STK32C: variants seen among roughly 807,000 people sequenced by gnomAD.
The protein encoded by STK32C is serine/threonine kinase 32C.
A neutral mutation model predicts 56.5 loss-of-function variants in STK32C; 31 were observed. The ratio of observed to expected loss-of-function variants is 0.55; its 90% CI spans 0.41 to 0.74. The LOEUF is 0.74. Ranked by LOEUF, STK32C falls within the 30% of genes least tolerant of loss-of-function variation. The pLI, the probability that STK32C is intolerant of heterozygous loss-of-function variation, is 0.00. For synonymous variants in STK32C, 309 were observed against 289.4 expected (o/e 1.07, Z -0.69); for missense variants, 544 against 676.9 (o/e 0.80, Z 2.18).
intron 2 of STK32C, among the ~76,000 whole-genome samples, chr10:132,242,555 G>A (rs1052232925): frequency 1.3e-5 from 2 of 151,954 alleles, no homozygotes; most frequent in South Asian, 2.1e-4. Context: ...GAGGGGCCAG[G>A]ATCCACCCCC....
At chr10:132,320,019 T>A (rs1476025492), downstream of STK32C, among the ~76,000 whole-genome samples, 1 of 150,978 alleles carries the variant, frequency 6.6e-6, no homozygotes, top group Non-Finnish European at 1.5e-5. Context: ...TAGAAACAGC[T>A]GTTTCCAGAA....
intron 10 of STK32C, among the ~76,000 whole-genome samples, chr10:132,216,602 G>A (rs961506023): frequency 1.2e-4 from 19 of 152,274 alleles, no homozygotes; most frequent in Admixed American, 2.6e-4. Flanking sequence ...AGACCTTTGC[G>A]GCAGCCCCTA....
intron 1 of STK32C, among the ~76,000 whole-genome samples, chr10:132,326,737 G>A (rs1452823366): frequency 1.6e-4 from 25 of 151,916 alleles, no homozygotes; most frequent in African/African-American, 4.8e-4. Flanking sequence ...TAGGAAGCGC[G>A]CCCAGTCCTC....
At chr10:132,303,117 C>G (rs1447325128) in intron 1 of STK32C, among the ~76,000 whole-genome samples, 1 of 152,258 alleles carries the variant, frequency 6.6e-6, no homozygotes, top group African/African-American at 2.4e-5. Flanking sequence ...AGGCCGGGAG[C>G]AGCAAGGGCG....
chr10:132,267,431 ATG>A (rs35987231), intron 1 of STK32C, among the ~76,000 whole-genome samples: 15 of 152,108 alleles, frequency 9.9e-5, no homozygotes, highest in East Asian at 9.6e-4. Flanking sequence ...AGTTCTGTGC[ATG>A]TGTGTCAGTG....
chr10:132,225,757 C>T lies in STK32C; in HGVS notation c.672G>A (p.Leu224=), dbSNP rs778382575. 1.2e-6 allele frequency: 2 copies of T among 1,614,132 alleles called. No homozygotes were observed. Among genetic ancestry groups the T allele is most frequent in the Non-Finnish European group, 1.7e-6 (2 of 1,180,008 alleles). ...CCCAACCCCACACACCTCTCTCATC[C>T]AGGAGAATGTTGTCAGGCTTGACAT... ...HRDVKPDNIL[L]DERGHAHLTD... Residue 224 remains leucine, a synonymous_variant, in exon 5 of 12, where the codon CTG becomes CTA. Coordinates refer to ENST00000298630, the MANE Select transcript of STK32C (RefSeq NM_173575.4).
At chr10:132,295,560 AG>A (rs2065715417) in intron 1 of STK32C, among the ~76,000 whole-genome samples, 1 of 151,988 alleles carries the variant, frequency 6.6e-6, no homozygotes, top group East Asian at 1.9e-4. Context: ...ACGGGGTAAC[AG>A]AATTAACGCA....
At chr10:132,251,381 G>T (rs1198443643) in intron 1 of STK32C, among the ~76,000 whole-genome samples, 1 of 152,216 alleles carries the variant, frequency 6.6e-6, no homozygotes, top group East Asian at 1.9e-4. Context: ...CTCCCAGAAG[G>T]AGTGGGTGTG....
upstream of STK32C, among the ~76,000 whole-genome samples, chr10:132,310,057 T>A (rs2066190250): frequency 6.6e-6 from 1 of 152,080 alleles, no homozygotes; most frequent in African/African-American, 2.4e-5. The surrounding 1 kb of genome is among the most constrained non-coding windows in gnomAD (Gnocchi z 4.6). Context: ...CCCGGGCAGT[T>A]GGGGATGGAC....
intron 2 of STK32C, among the ~76,000 whole-genome samples, chr10:132,245,010 A>G (rs1336460535): frequency 6.6e-6 from 1 of 152,094 alleles, no homozygotes; most frequent in Non-Finnish European, 1.5e-5. Context: ...AAAGGGGCTC[A>G]TTTGCTCTGA....
intron 1 of STK32C, among the ~76,000 whole-genome samples, chr10:132,270,994 T>C (rs74161760): frequency 0.049 from 7,490 of 151,982 alleles, 218 homozygotes; most frequent in Middle Eastern, 0.078. Flanking sequence ...GGGTGATCTG[T>C]CCTAAGGGAG....
At chr10:132,224,757 G>A (rs974731372) in intron 7 of STK32C, among the ~76,000 whole-genome samples, 1 of 152,148 alleles carries the variant, frequency 6.6e-6, no homozygotes, top group Non-Finnish European at 1.5e-5. Flanking sequence ...ATCCCAGGGG[G>A]CCTGGGTCCA....
chr10:132,314,860 G>A (rs768733138), intron 1 of STK32C, among the ~76,000 whole-genome samples: 30 of 152,316 alleles, frequency 2.0e-4, no homozygotes, highest in Non-Finnish European at 3.8e-4. Context: ...AGTTTGGCCA[G>A]GCGCAGTGGC....
At chr10:132,209,236 T>C (rs2062211377) in intron 10 of STK32C, 135 bp from the exon 11 acceptor site, 2 of 806,408 alleles carry the variant, frequency 2.5e-6, no homozygotes, top group Non-Finnish European at 4.2e-6. Flanking sequence ...GCTATTGAAG[T>C]GCCCCGGCCC....
At chr10:132,256,641 C>A (rs570935120) in intron 1 of STK32C, among the ~76,000 whole-genome samples, 2 of 152,284 alleles carry the variant, frequency 1.3e-5, no homozygotes, top group East Asian at 1.9e-4. Context: ...GGCAGCAGCA[C>A]CTCCCCCCAG....
intron 1 of STK32C, chr10:132,331,403 C>T: frequency 1.3e-6 from 2 of 1,576,876 alleles, no homozygotes; most frequent in Non-Finnish European, 1.7e-6. Context: ...CATCTTCTTC[C>T]AAATTCTCAA....
chr10:132,330,626 C>T (rs1281608387), intron 1 of STK32C: 1 of 674,388 alleles, frequency 1.5e-6, no homozygotes, highest in African/African-American at 1.8e-5. Flanking sequence ...TCTTGCCTCA[C>T]CCTCCCACAC....
chr10:132,210,031 A>C (rs1336619122), intron 10 of STK32C, among the ~76,000 whole-genome samples: 2 of 152,064 alleles, frequency 1.3e-5, no homozygotes, highest in Non-Finnish European at 2.9e-5. Context: ...AGAACGCTCA[A>C]CCCTATCTAG....
At chr10:132,320,382 G>A (rs949173659), downstream of STK32C, among the ~76,000 whole-genome samples, 4 of 152,046 alleles carry the variant, frequency 2.6e-5, no homozygotes, top group Admixed American at 6.6e-5. Context: ...GTGACTGTGG[G>A]TTTTAAAGGG....
Sources: gnomAD v4.1 joint callset for allele counts (sites outside exome capture counted in the v4.1 genomes callset) on GRCh38, gnomAD v4.1.1 for gene constraint, Gnocchi (gnomAD v3.1) non-coding constraint, MANE v1.5 for transcripts, NCBI Gene and HGNC (gene_info 2026-07-23, HGNC 2026-07-21) for gene names.